DSC3: variants seen among roughly 807,000 people sequenced by gnomAD.
DSC3 encodes the protein desmocollin-3.
A neutral mutation model predicts 89.5 loss-of-function variants in DSC3; 97 were observed. That is an observed-to-expected ratio of 1.08 (90% CI 0.92 to 1.28). The LOEUF (loss-of-function observed/expected upper bound fraction) is 1.28, where lower values mean the gene tolerates loss of function less well. Ranked by LOEUF, DSC3 falls within the 50% of genes most tolerant of loss-of-function variation. The pLI, the probability that DSC3 is intolerant of heterozygous loss-of-function variation, is 0.00. For synonymous variants in DSC3, 436 were observed against 384.1 expected (o/e 1.14, Z -1.58); for missense variants, 1,199 against 1,085.3 (o/e 1.10, Z -1.47).
intron 4 of DSC3, among the ~76,000 whole-genome samples, chr18:31,027,106 TTAAC>T (rs1207500891): frequency 4.6e-5 from 7 of 152,224 alleles, no homozygotes; most frequent in African/African-American, 1.7e-4. Flanking sequence ...AATCAAAAGT[TTAAC>T]TATGAGAAGA....
chr18:31,004,463 G>A, intron 12 of DSC3, 97 bp from the exon 13 acceptor site: 1 of 1,042,074 alleles, frequency 9.6e-7, no homozygotes, highest in Non-Finnish European at 1.4e-6. Flanking sequence ...TCATTCTCAA[G>A]GAACTGCCTG....
At chr18:30,999,087 C>T (rs1014598844) in intron 14 of DSC3, among the ~76,000 whole-genome samples, 2 of 152,174 alleles carry the variant, frequency 1.3e-5, no homozygotes, top group African/African-American at 4.8e-5. Context: ...CACTCCGACC[C>T]TCTGAGCCAT....
Position 31,042,480 on chromosome 18 carries a change from T to A in DSC3, c.69+112A>T. 2.1e-5 allele frequency: 24 copies of A among 1,120,022 alleles called. 1 individual carries two copies. In the South Asian group the frequency reaches 3.2e-4, roughly 15 times the overall value. The allele number at this position is 1,120,022 out of a possible 1,614,324, so 69.4% of individuals were successfully genotyped here. ...GCTGCTACCAGACCCGCAGCATTGA[T>A]CTGAGCCGCGGTTGTCACGTTTCGG... On this transcript the variant is annotated intron_variant, in intron 1 of 15. Coordinates refer to ENST00000360428, the MANE Select transcript of DSC3 (RefSeq NM_001941.5).
At chr18:31,026,562 T>C (rs1458500503) in intron 4 of DSC3, among the ~76,000 whole-genome samples, 2 of 152,044 alleles carry the variant, frequency 1.3e-5, no homozygotes, top group Admixed American at 6.6e-5. Context: ...ATGATAGCCA[T>C]AGGGGTGGTG....
At chr18:30,995,134 T>C (rs1215278270) in intron 15 of DSC3, among the ~76,000 whole-genome samples, 2 of 152,324 alleles carry the variant, frequency 1.3e-5, no homozygotes, top group African/African-American at 4.8e-5. Flanking sequence ...CACTGGCCTG[T>C]CTGCCAACTC....
intron 7 of DSC3, 26 bp downstream of exon 7, chr18:31,022,310 G>C: frequency 1.9e-6 from 3 of 1,613,756 alleles, no homozygotes; most frequent in Non-Finnish European, 2.5e-6. Flanking sequence ...TCAGCGAAAT[G>C]AAATTCTATG....
chr18:31,040,769 G>C (rs1244196321), intron 1 of DSC3, among the ~76,000 whole-genome samples: 2 of 152,082 alleles, frequency 1.3e-5, no homozygotes, highest in Admixed American at 6.5e-5. Flanking sequence ...AATGAAAAAT[G>C]TTTCTAAAAT....
At chr18:31,001,491 A>G (rs901701294) in intron 14 of DSC3, 127 bp downstream of exon 14, 1 of 1,067,130 alleles carries the variant, frequency 9.4e-7, no homozygotes, top group African/African-American at 1.6e-5. Flanking sequence ...ATTGACAGAC[A>G]ATATCTATGC....
chr18:31,042,687 CG>C lies in DSC3; in HGVS notation c.-28del. The C allele has an allele frequency of 6.5e-7, 1 of 1,545,396 alleles. No homozygotes were observed. The highest frequency in any genetic ancestry group is 8.7e-7 in the Non-Finnish European group (1 of 1,144,338). ...GGGATGCCGGGCAGGGCCAGGAGAA[CG>C]CGGGCGCCGGGAGGGTGCCGAGAGC... On this transcript the variant is annotated 5_prime_UTR_variant, in exon 1 of 16. Coordinates refer to ENST00000360428, the MANE Select transcript of DSC3 (RefSeq NM_001941.5).
In DSC3 at chr18:31,029,686, G is replaced by T. The variant is rs1046923310; in HGVS notation, c.355-58C>A. On this transcript the variant is annotated intron_variant, in intron 3 of 15. Transcript: ENST00000360428. ...ACAAAAGCATCACAGTCTACTTTGT[G>T]TAAAATAGTGGACAGCTCATAAACC... 2.5e-6 allele frequency: 4 copies of T among 1,602,814 alleles called. No individual in the cohort carries two copies. In the African/African-American group the frequency reaches 5.4e-5, roughly 21 times the overall value.
chr18:31,039,736 A>G (rs16961105), intron 1 of DSC3, among the ~76,000 whole-genome samples: 2,306 of 152,278 alleles, frequency 0.015, 62 homozygotes, highest in African/African-American at 0.053. Flanking sequence ...AACAGGATCC[A>G]AAAATGTGCA....
At position 30,990,530 on chromosome 18, in the gene DSC3, T is replaced by G. The variant is rs754549102; in HGVS notation, c.*3645A>C. ...GGCTTTTGATATAGCTAATAGATTT[T>G]TGAAATGATCAGTCTTAACGTTTGT... On this transcript the variant is annotated 3_prime_UTR_variant, in exon 16 of 16. Coordinates refer to ENST00000360428, the MANE Select transcript of DSC3 (RefSeq NM_001941.5). 6.6e-6 allele frequency: 1 copy of G among 152,244 alleles called. No individual in the cohort carries two copies. Among genetic ancestry groups the G allele is most frequent in the Admixed American group, 6.5e-5 (1 of 15,278 alleles). 9.4% of individuals were successfully genotyped at this position (152,244 alleles called of 1,614,324 possible).
chr18:31,008,592 G>T, intron 9 of DSC3, 67 bp from the exon 10 acceptor site: 1 of 1,582,062 alleles, frequency 6.3e-7, no homozygotes, highest in Non-Finnish European at 8.6e-7. Context: ...AATGGCAAGT[G>T]AACATTTGTC....
At chr18:31,023,673 T>C (rs1985498664) in intron 6 of DSC3, among the ~76,000 whole-genome samples, 1 of 152,142 alleles carries the variant, frequency 6.6e-6, no homozygotes, top group Admixed American at 6.6e-5. Context: ...CCTTTATGAC[T>C]GAATCCTCCT....
rs759487164 is a variant in DSC3, at chr18:31,018,811, A to ACTAGTTTT, written c.943-12_943-11insAAAACTAG. ...GTACTTGTCTACAACCTGGAAACAA[A>ACTAGTTTT]GCAAATATTTAACTAGTCTTGAAAA... is the stretch of plus-strand genomic sequence containing the variant. On this transcript the variant is annotated splice_polypyrimidine_tract_variant and intron_variant, in intron 7 of 15. Transcript: ENST00000360428. The ACTAGTTTT allele has an allele frequency of 7.4e-6, 12 of 1,613,024 alleles. No individual in the cohort carries two copies. Among genetic ancestry groups the ACTAGTTTT allele is most frequent in the Non-Finnish European group, 1.0e-5 (12 of 1,179,818 alleles).
Position 31,001,737 on chromosome 18 carries a change from C to A in DSC3, c.2116G>T (p.Val706Leu), listed in dbSNP as rs1984670806. 3.8e-6 allele frequency: 6 copies of A among 1,584,710 alleles called. No individual in the cohort carries two copies. The highest frequency in any genetic ancestry group is 5.1e-6 in the Non-Finnish European group (6 of 1,168,114). ...ACTCCACATACTAAAGTTAGCAATA[C>A]AGCTGAATTTAAAAATAAAAATAAA... ...ILLGIALLFS[V>L]LLTLVCGVFG... The change falls in exon 14 of 16, where the codon GTA (valine) becomes TTA (leucine). Residue 706 changes from valine (V) to leucine (L), a missense_variant and splice_region_variant. Val to Leu is a conservative substitution (Grantham distance 32). Transcript: ENST00000360428.
rs1984274973 is a variant in DSC3, at chr18:30,992,122, AG to A, written c.*2052del. 2 of 128,232 alleles carry A rather than the reference AG, an allele frequency of 1.6e-5. No homozygotes were observed. Among genetic ancestry groups the A allele is most frequent in the East Asian group, 5.6e-4 (2 of 3,600 alleles). The allele number at this position is 128,232 out of a possible 1,614,324, so 7.9% of individuals were successfully genotyped here. A position where few individuals can be genotyped will look rare whatever the true frequency, so the allele number is the denominator to read the frequency against. ...GGAGCTTTCAGTGAGCAGAGATCGG[AG>A]CCACTGCACTCCAGCCTGTGCGTCA... On this transcript the variant is annotated 3_prime_UTR_variant, in exon 16 of 16. Transcript: ENST00000360428.
At chr18:31,035,509 T>C (rs191820547) in intron 1 of DSC3, among the ~76,000 whole-genome samples, 1 of 152,202 alleles carries the variant, frequency 6.6e-6, no homozygotes, top group Admixed American at 6.5e-5. Flanking sequence ...TATATAGTTG[T>C]CACCTTGGGA....
chr18:31,023,669 T>G (rs146765738), intron 6 of DSC3, among the ~76,000 whole-genome samples: 9 of 152,314 alleles, frequency 5.9e-5, no homozygotes, highest in Non-Finnish European at 1.2e-4. Context: ...TCATCCTTTA[T>G]GACTGAATCC....
Sources: allele counts gnomAD v4.1 joint callset (sites outside exome capture counted in the v4.1 genomes callset), GRCh38; gene constraint gnomAD v4.1.1; transcripts MANE v1.5; gene names NCBI Gene and HGNC (gene_info 2026-07-23, HGNC 2026-07-21).